Variants in XKR9 observed in about 807,000 individuals in gnomAD.
The protein encoded by XKR9 is XK related 9.
A neutral mutation model predicts 32.0 loss-of-function variants in XKR9; 32 were observed. The observed-to-expected ratio is 1.00, with a 90% CI of 0.76 to 1.34. The LOEUF (loss-of-function observed/expected upper bound fraction) is 1.34. Ranked by LOEUF, XKR9 falls within the 40% of genes most tolerant of loss-of-function variation. The pLI, the probability that XKR9 is intolerant of heterozygous loss-of-function variation, is 0.00. For missense variants in XKR9, 546 were observed against 429.7 expected (o/e 1.27, Z -2.39); for synonymous variants, 168 against 143.4 (o/e 1.17, Z -1.22).
the XKR9 span, among the ~76,000 whole-genome samples, chr8:70,829,220 G>A: frequency 2.0e-5 from 3 of 152,160 alleles, no homozygotes; most frequent in Non-Finnish European, 4.4e-5. Context: ...CTCTGCCTCA[G>A]TTTCTTATTT....
At chr8:70,740,372 A>C (rs1377565494), downstream of XKR9, among the ~76,000 whole-genome samples, 1 of 151,874 alleles carries the variant, frequency 6.6e-6, no homozygotes, top group Non-Finnish European at 1.5e-5. Context: ...CATTTGTCTA[A>C]ATTTTTTTCA....
intron 2 of XKR9, among the ~76,000 whole-genome samples, chr8:70,676,637 C>T (rs1189686519): frequency 2.0e-5 from 3 of 152,114 alleles, no homozygotes; most frequent in Non-Finnish European, 4.4e-5. Flanking sequence ...TTAGATTAAT[C>T]TATTGCATCT....
chr8:71,042,121 G>T, the XKR9 span, among the ~76,000 whole-genome samples: 1 of 152,134 alleles, frequency 6.6e-6, no homozygotes, highest in African/African-American at 2.4e-5. Context: ...TAACTTGCTT[G>T]TCCAGATGAT....
intron 3 of XKR9, among the ~76,000 whole-genome samples, chr8:70,689,905 G>A (rs1453362871): frequency 1.3e-5 from 2 of 152,180 alleles, no homozygotes; most frequent in East Asian, 1.9e-4. Flanking sequence ...CTGTGGCCAT[G>A]GGGGAGGGTA....
At chr8:70,766,628 A>T (rs1340948424) in intron 2 of XKR9, among the ~76,000 whole-genome samples, 1 of 152,100 alleles carries the variant, frequency 6.6e-6, no homozygotes, top group Non-Finnish European at 1.5e-5. Context: ...AACTTCCAAT[A>T]CTATGTTTAA....
intron 3 of XKR9, among the ~76,000 whole-genome samples, chr8:70,702,666 T>G (rs981050465): frequency 2.0e-5 from 3 of 152,218 alleles, no homozygotes; most frequent in African/African-American, 7.2e-5. Context: ...TATATTATTA[T>G]GACATGTTGA....
chr8:71,041,837 T>C, the XKR9 span, among the ~76,000 whole-genome samples: 1 of 152,196 alleles, frequency 6.6e-6, no homozygotes. Context: ...GTAAGTTCCC[T>C]GAGGCCTCCC....
chr8:71,064,392 A>G, the XKR9 span, among the ~76,000 whole-genome samples: 2 of 152,188 alleles, frequency 1.3e-5, no homozygotes, highest in African/African-American at 2.4e-5. Flanking sequence ...AATATTTTAT[A>G]TATTGAGTTT....
At chr8:70,834,255 A>G in the XKR9 span, among the ~76,000 whole-genome samples, 2 of 152,160 alleles carry the variant, frequency 1.3e-5, no homozygotes, top group Non-Finnish European at 2.9e-5. Context: ...CAGAGATTTG[A>G]ATATTTAATA....
At chr8:70,919,587 A>G in the XKR9 span, among the ~76,000 whole-genome samples, 2 of 152,196 alleles carry the variant, frequency 1.3e-5, no homozygotes, top group African/African-American at 4.8e-5. Flanking sequence ...CATATGCCCT[A>G]GTTAACTCCT....
At chr8:70,864,223 AC>A in the XKR9 span, among the ~76,000 whole-genome samples, 1 of 152,218 alleles carries the variant, frequency 6.6e-6, no homozygotes, top group Non-Finnish European at 1.5e-5. Context: ...AACAATTTCA[AC>A]TTAGGATCAA....
At chr8:70,751,196 C>T (rs116068236) in intron 2 of XKR9, among the ~76,000 whole-genome samples, 1,603 of 152,226 alleles carry the variant, frequency 0.011, 27 homozygotes, top group African/African-American at 0.036. Flanking sequence ...TGGCGCGATT[C>T]GGCTCACTGC....
At chr8:71,022,157 T>C in the XKR9 span, among the ~76,000 whole-genome samples, 1 of 152,222 alleles carries the variant, frequency 6.6e-6, no homozygotes, top group Non-Finnish European at 1.5e-5. Flanking sequence ...TGTGCAGCTT[T>C]AATTTTGGGT....
At chr8:70,778,722 A>G (rs1807568726) in intron 2 of XKR9, among the ~76,000 whole-genome samples, 4 of 152,092 alleles carry the variant, frequency 2.6e-5, no homozygotes, top group Admixed American at 2.6e-4. Context: ...TGTGAATGGG[A>G]GTTCACTCAT....
At chr8:70,854,665 T>G in the XKR9 span, among the ~76,000 whole-genome samples, 1,208 of 152,300 alleles carry the variant, frequency 7.9e-3, 29 homozygotes, top group African/African-American at 0.027. Flanking sequence ...GGTCTAACAT[T>G]TAAGTCTTTA....
chr8:70,945,959 AC>A, the XKR9 span, among the ~76,000 whole-genome samples: 1 of 152,114 alleles, frequency 6.6e-6, no homozygotes, highest in Non-Finnish European at 1.5e-5. Flanking sequence ...ACATGGTGAA[AC>A]CCCGTCTCTA....
the XKR9 span, among the ~76,000 whole-genome samples, chr8:70,961,038 T>A: frequency 6.6e-6 from 1 of 152,022 alleles, no homozygotes; most frequent in Admixed American, 6.6e-5. Context: ...GGTACGACAG[T>A]GCATGCCTGT....
At chr8:70,711,056 A>G (rs1586844319) in intron 4 of XKR9, among the ~76,000 whole-genome samples, 1 of 152,324 alleles carries the variant, frequency 6.6e-6, no homozygotes, top group East Asian at 1.9e-4. Flanking sequence ...AGAAATGCAA[A>G]TCAAAACCAC....
rs73298854 is a variant in XKR9, at chr8:70,679,559, C to T, written c.-278-1222C>T. ...CCTGAAATGGGCCAGATGACTACTG[C>T]GATGAACAGGAGAGAGCATGCCCCA... is the stretch of plus-strand genomic sequence containing the variant. On this transcript the variant is annotated intron_variant, in intron 2 of 4. Transcript: ENST00000408926. Among the ~76,000 whole-genome samples, 576 of 152,268 alleles carry T rather than the reference C, an allele frequency of 3.8e-3. 6 individuals carry two copies. Among genetic ancestry groups the T allele is most frequent in the African/African-American group, 0.013 (542 of 41,548 alleles).
Sources: gnomAD v4.1 joint callset for allele counts (sites outside exome capture counted in the v4.1 genomes callset) on GRCh38, gnomAD v4.1.1 for gene constraint, MANE v1.5 for transcripts, NCBI Gene and HGNC (gene_info 2026-07-23, HGNC 2026-07-21) for gene names.